ARFGEF3: variants seen among roughly 807,000 people sequenced by gnomAD.
ARFGEF3 encodes ARFGEF family member 3, also known as brefeldin A-inhibited guanine nucleotide-exchange protein 3.
ARFGEF3 carries 96 observed loss-of-function variants against 221.7 expected under a neutral mutation model. The ratio of observed to expected loss-of-function variants is 0.43; its 90% CI spans 0.37 to 0.51. ARFGEF3 has a LOEUF of 0.51. Among genes scored for constraint, ARFGEF3 ranks in the 20% least tolerant of loss-of-function variants. ARFGEF3 has a pLI of 0.00. For synonymous variants in ARFGEF3, 1,145 were observed against 1,126.8 expected (o/e 1.02, Z -0.32); for missense variants, 2,410 against 2,789.9 (o/e 0.86, Z 3.07).
chr6:138,294,098 T>C lies in ARFGEF3; in HGVS notation c.3474T>C (p.Asp1158=), dbSNP rs2114640363. The C allele has an allele frequency of 6.2e-7, 1 of 1,613,902 alleles. No homozygotes were observed. The highest frequency in any genetic ancestry group is 8.5e-7 in the Non-Finnish European group (1 of 1,179,858). ...SQSQLFHSVT[D]TVDYSLAMPG... is the part of the protein sequence containing the mutation. ...CTCAGCTTTTCCATTCTGTTACAGA[T>C]ACAGTTGATTACTCTCTGGCAATGC... Residue 1158 remains aspartate, a synonymous_variant, in exon 20 of 34, where the codon GAT becomes GAC. Transcript: ENST00000251691.
intron 27 of ARFGEF3, among the ~76,000 whole-genome samples, chr6:138,318,019 T>A (rs933889190): frequency 7.9e-5 from 12 of 152,208 alleles, no homozygotes; most frequent in Admixed American, 2.6e-4. Flanking sequence ...ACTTTTTTAA[T>A]AGAAATTTAA....
At chr6:138,179,174 C>T (rs1162618545) in intron 2 of ARFGEF3, among the ~76,000 whole-genome samples, 1 of 152,228 alleles carries the variant, frequency 6.6e-6, no homozygotes, top group Non-Finnish European at 1.5e-5. Flanking sequence ...CACTCCTATC[C>T]TGTCCCAATT....
intron 12 of ARFGEF3, among the ~76,000 whole-genome samples, chr6:138,273,324 C>G (rs1414128899): frequency 6.6e-6 from 1 of 152,184 alleles, no homozygotes; most frequent in African/African-American, 2.4e-5. Context: ...TAAGAGGTCT[C>G]TTGTGCTACT....
intron 2 of ARFGEF3, among the ~76,000 whole-genome samples, chr6:138,185,271 G>C (rs1178090496): frequency 1.3e-5 from 2 of 152,192 alleles, no homozygotes; most frequent in Admixed American, 1.3e-4. Context: ...GCTGACACAT[G>C]GTGGATCTGA....
intron 17 of ARFGEF3, among the ~76,000 whole-genome samples, chr6:138,288,227 T>C (rs1779331411): frequency 6.6e-6 from 1 of 150,924 alleles, no homozygotes; most frequent in Admixed American, 6.6e-5. Flanking sequence ...CTACTAAAAA[T>C]ACAGAAATTA....
chr6:138,223,800 C>T (rs1164929964), intron 4 of ARFGEF3, among the ~76,000 whole-genome samples: 3 of 152,186 alleles, frequency 2.0e-5, no homozygotes, highest in Non-Finnish European at 4.4e-5. Flanking sequence ...CCTTGTGTAT[C>T]ATGTGTTGGA....
In ARFGEF3 at chr6:138,291,855, A is replaced by G. The variant is rs1779411093; in HGVS notation, c.3170A>G (p.Glu1057Gly). The change falls in exon 19 of 34, where the codon GAG (glutamate) becomes GGG (glycine). Residue 1057 changes from glutamate to glycine, a missense_variant. Glu to Gly is a moderately conservative substitution (Grantham distance 98, BLOSUM62 -2). Coordinates refer to ENST00000251691, the MANE Select transcript of ARFGEF3 (RefSeq NM_020340.5). The surrounding 1 kb of genome is among the most constrained non-coding windows in gnomAD (Gnocchi z 4.5). ...AGCGCTGGCCTCCTTGGGGACCCCGAGTGTGAGGGCTCGCCCCCCGAGCAC... is the reference window on the plus strand; with the variant it reads ...AGCGCTGGCCTCCTTGGGGACCCCGGGTGTGAGGGCTCGCCCCCCGAGCAC... ...TGSAGLLGDP[E>G]CEGSPPEHSP... 1 of 1,500,370 alleles carries G rather than the reference A, an allele frequency of 6.7e-7. No homozygotes were observed. The highest frequency in any genetic ancestry group is 8.9e-7 in the Non-Finnish European group (1 of 1,121,250). The allele number at this position is 1,500,370 out of a possible 1,614,324, so 92.9% of individuals were successfully genotyped here.
In ARFGEF3 at chr6:138,344,119, C is replaced by G. The variant is rs1339131684; in HGVS notation, c.*7633C>G. 4 of 152,146 alleles carry G rather than the reference C, an allele frequency of 2.6e-5. No homozygotes were observed. The highest frequency in any genetic ancestry group is 9.7e-5 in the African/African-American group (4 of 41,424). The allele number at this position is 152,146 out of a possible 1,614,324, so 9.4% of individuals were successfully genotyped here. ...AGTTCCCCTACTACTATCTCCCACTCTAGATAAAGCCAGTGGGTGGTATGG... is the reference window on the plus strand; with the variant it reads ...AGTTCCCCTACTACTATCTCCCACTGTAGATAAAGCCAGTGGGTGGTATGG... On this transcript the variant is annotated 3_prime_UTR_variant, in exon 34 of 34. Transcript: ENST00000251691.
intron 2 of ARFGEF3, among the ~76,000 whole-genome samples, chr6:138,197,953 C>A (rs1777461815): frequency 6.6e-6 from 1 of 152,060 alleles, no homozygotes; most frequent in Non-Finnish European, 1.5e-5. Context: ...CTGGAAATAC[C>A]CACTGCCAAC....
chr6:138,182,028 G>A (rs1279511617), intron 2 of ARFGEF3, among the ~76,000 whole-genome samples: 1 of 152,102 alleles, frequency 6.6e-6, no homozygotes, highest in Non-Finnish European at 1.5e-5. Flanking sequence ...GGAGAAGGGT[G>A]GGTGCAGACT....
In ARFGEF3 at chr6:138,170,703, C is replaced by A; in HGVS notation, c.127C>A (p.His43Asn). ...GGATACCATTGTCAAGATCCCTCCA[C>A]ATGTACTGAGGTAGGAGATGGACAT... ...GLDTIVKIPP[H>N]VLREKCLLPL... The change falls in exon 2 of 34, where the codon CAT becomes AAT. Residue 43 changes from histidine (H) to asparagine (N), a missense_variant. His to Asn is a moderately conservative substitution (Grantham distance 68, BLOSUM62 1). Coordinates refer to ENST00000251691, the MANE Select transcript of ARFGEF3 (RefSeq NM_020340.5). The A allele has an allele frequency of 6.3e-7, 1 of 1,579,156 alleles. No homozygotes were observed. The highest frequency in any genetic ancestry group is 8.7e-7 in the Non-Finnish European group (1 of 1,148,598).
intron 17 of ARFGEF3, 108 bp downstream of exon 17, chr6:138,287,292 G>T: frequency 1.3e-6 from 1 of 789,346 alleles, no homozygotes. Context: ...TGTGTGTGAT[G>T]CCCGGTATGT....
intron 4 of ARFGEF3, chr6:138,218,002 G>A (rs1777904694): frequency 6.2e-7 from 1 of 1,611,712 alleles, no homozygotes. Context: ...ATGATCTGTG[G>A]ATGTATAGTT....
chr6:138,308,603 T>G, intron 23 of ARFGEF3, 136 bp from the exon 24 acceptor site: 1 of 953,144 alleles, frequency 1.0e-6, no homozygotes, highest in Non-Finnish European at 1.6e-6. Context: ...AATGGCCCAA[T>G]AAAAAACCCA....
intron 2 of ARFGEF3, among the ~76,000 whole-genome samples, chr6:138,189,669 C>T (rs1777257682): frequency 6.6e-6 from 1 of 152,096 alleles, no homozygotes. Context: ...TGCGCCATGG[C>T]AGGAAGGAAA....
intron 22 of ARFGEF3, among the ~76,000 whole-genome samples, chr6:138,303,568 G>A (rs1460643846): frequency 6.6e-6 from 1 of 152,116 alleles, no homozygotes; most frequent in Admixed American, 6.5e-5. Flanking sequence ...ACTTTGGGAG[G>A]CCAAGGCAGG....
At chr6:138,215,118 T>C (rs1472354986) in intron 4 of ARFGEF3, among the ~76,000 whole-genome samples, 2 of 152,258 alleles carry the variant, frequency 1.3e-5, no homozygotes, top group Admixed American at 6.5e-5. Context: ...AGGCAGATTG[T>C]ATAGGAGCCA....
chr6:138,240,404 A>T (rs1778371942), intron 6 of ARFGEF3, among the ~76,000 whole-genome samples: 1 of 152,172 alleles, frequency 6.6e-6, no homozygotes, highest in Non-Finnish European at 1.5e-5. Flanking sequence ...AGTTCATTTA[A>T]TCTTATTTTA....
chr6:138,240,470 T>C (rs895413819), intron 6 of ARFGEF3, among the ~76,000 whole-genome samples: 1 of 152,186 alleles, frequency 6.6e-6, no homozygotes, highest in Non-Finnish European at 1.5e-5. Context: ...GCCTTTTAGC[T>C]CATACTGCTC....
Sources: allele counts gnomAD v4.1 joint callset (sites outside exome capture counted in the v4.1 genomes callset), GRCh38; gene constraint gnomAD v4.1.1; non-coding constraint Gnocchi (gnomAD v3.1); transcripts MANE v1.5; gene names NCBI Gene and HGNC (gene_info 2026-07-23, HGNC 2026-07-21).